Variants in NPHS2 observed in about 807,000 individuals in gnomAD.
NPHS2 encodes NPHS2 stomatin family member, podocin.
Under a neutral mutation model 37.1 loss-of-function variants are expected in NPHS2, and 36 were observed. That is an observed-to-expected ratio of 0.97 (90% confidence interval 0.74 to 1.28). The LOEUF is 1.28. Among genes scored for constraint, NPHS2 ranks in the 50% most tolerant of loss-of-function variants. The pLI, the probability that NPHS2 is intolerant of heterozygous loss-of-function variation, is 0.00. For synonymous variants in NPHS2, 196 were observed against 189.3 expected, an observed-to-expected ratio of 1.04 and a Z score of -0.29; for missense variants, 447 against 488.1, an observed-to-expected ratio of 0.92 and a Z score of 0.79.
rs1469863276 is a variant in NPHS2, at chr1:179,561,352, C to A, written c.388G>T (p.Glu130Ter). Reference protein sequence around the residue: ...SIWFCVKVVQEYERVIIFRLG... With the variant: ...SIWFCVKVVQ Reference sequence around the variant, plus strand: ...CGGAATATAATTACTCTTTCATACTCTTGTACAACCTAAAGAGAAATTTAA... The same window carrying A: ...CGGAATATAATTACTCTTTCATACTATTGTACAACCTAAAGAGAAATTTAA... Residue 130 changes from glutamate to a stop codon, truncating the protein, a stop_gained, in exon 3 of 8, where the codon GAG (glutamate) becomes TAG (stop). Transcript: ENST00000367615. LOFTEE classifies it high-confidence loss of function. The A allele has an allele frequency of 6.2e-7, 1 of 1,609,472 alleles. No homozygotes were observed. Among genetic ancestry groups the A allele is most frequent in the Admixed American group, 1.7e-5 (1 of 59,992 alleles).
chr1:179,561,219 A>G (rs1674122641), intron 3 of NPHS2, 70 bp downstream of exon 3: 1 of 1,074,700 alleles, frequency 9.3e-7, no homozygotes, highest in African/African-American at 1.6e-5. Flanking sequence ...CCATATTACA[A>G]ATCTGCATGG....
intron 5 of NPHS2, chr1:179,554,771 T>C (rs555394025): frequency 3.4e-6 from 2 of 591,212 alleles, no homozygotes; most frequent in South Asian, 2.1e-5. Context: ...TCCCCAAAGA[T>C]ATCCCATGTC....
rs759584160 is a variant in NPHS2 at position 179,557,101 on chromosome 1, T to C, written c.664A>G (p.Met222Val). Residue 222 changes from methionine (M) to valine (V), a missense_variant, in exon 5 of 8, where the codon ATG becomes GTG. By Grantham distance (21) the Met-to-Val change is conservative (BLOSUM62 1). Coordinates refer to ENST00000367615, the MANE Select transcript of NPHS2 (RefSeq NM_014625.4). Reference protein sequence around the residue: ...KAVQFLVQTTMKRLLAHRSLT... With the variant: ...KAVQFLVQTTVKRLLAHRSLT... ...GATCGATGTGCTAGGAGACGCTTCA[T>C]AGTGGTTTGCACAAGGAATTGCACA... The C allele has an allele frequency of 1.9e-6, 3 of 1,614,122 alleles. No individual in the cohort carries two copies. The South Asian group carries it at 3.3e-5, about 18-fold the overall frequency.
chr1:179,567,840 T>C (rs9699713), intron 1 of NPHS2, among the ~76,000 whole-genome samples: 30,799 of 152,158 alleles, frequency 0.2, 3,789 homozygotes, highest in Non-Finnish European at 0.27. Flanking sequence ...GTTTTTGTTG[T>C]TGGTTCTGTT....
chr1:179,565,021 A>G (rs1399126268), intron 1 of NPHS2, among the ~76,000 whole-genome samples: 1 of 152,134 alleles, frequency 6.6e-6, no homozygotes, highest in Non-Finnish European at 1.5e-5. Context: ...CTGTCATCCC[A>G]GCACTCTGGG....
chr1:179,554,657 T>C, intron 5 of NPHS2, 126 bp from the exon 6 acceptor site: 1 of 1,361,816 alleles, frequency 7.3e-7, no homozygotes, highest in South Asian at 1.2e-5. Flanking sequence ...TATTTGCCTG[T>C]TGTATTTAAC....
In NPHS2 at chr1:179,575,632, G is replaced by A; in HGVS notation, c.233C>T (p.Thr78Ile). Residue 78 changes from threonine (T) to isoleucine (I), a missense_variant, in exon 1 of 8, where the codon ACC becomes ATC. Physicochemically the swap from Thr to Ile is moderately conservative, Grantham distance 89. Transcript: ENST00000367615. Reference sequence around the variant, plus strand: ...GCTCTCCAACAGCGCCACCACCTCGGTGCCCTCCTCGCCGGAGCCTCGGAC... The same window carrying A: ...GCTCTCCAACAGCGCCACCACCTCGATGCCCTCCTCGCCGGAGCCTCGGAC... ...DEVRGSGEEG[T>I]EVVALLESER... 1 of 1,603,606 alleles carries A rather than the reference G, an allele frequency of 6.2e-7. No individual in the cohort carries two copies. Among genetic ancestry groups the A allele is most frequent in the Non-Finnish European group, 8.5e-7 (1 of 1,179,844 alleles).
intron 2 of NPHS2, among the ~76,000 whole-genome samples, chr1:179,562,165 A>T (rs1674165532): frequency 1.3e-5 from 2 of 152,176 alleles, no homozygotes; most frequent in African/African-American, 4.8e-5. Flanking sequence ...ATTTGTGTTT[A>T]CCCTGAAAAT....
At position 179,575,611 on chromosome 1, in the gene NPHS2, T is replaced by C; in HGVS notation, c.254A>G (p.Glu85Gly). Residue 85 changes from glutamate (E) to glycine (G), a missense_variant, in exon 1 of 8, where the codon GAG becomes GGG. Glu to Gly is a moderately conservative substitution (Grantham distance 98, BLOSUM62 -2). Transcript: ENST00000367615. Reference sequence around the variant, plus strand: ...CGTACCTTCCTCGGGCCGCTCGCTCTCCAACAGCGCCACCACCTCGGTGCC... The same window carrying C: ...CGTACCTTCCTCGGGCCGCTCGCTCCCCAACAGCGCCACCACCTCGGTGCC... The part of the protein sequence containing the change: ...EEGTEVVALL[E>G]SERPEEGTKS... 1 of 1,602,804 alleles carries C rather than the reference T, an allele frequency of 6.2e-7. No individual in the cohort carries two copies. The highest frequency in any genetic ancestry group is 8.5e-7 in the Non-Finnish European group (1 of 1,179,858).
intron 2 of NPHS2, among the ~76,000 whole-genome samples, chr1:179,564,059 C>T (rs995576786): frequency 2.0e-5 from 3 of 152,228 alleles, no homozygotes; most frequent in Admixed American, 6.5e-5. Flanking sequence ...CAGAGCTGCA[C>T]CACAGTCAGA....
chr1:179,551,038 T>C lies in NPHS2; in HGVS notation c.*135A>G. 9.7e-7 allele frequency: 1 copy of C among 1,025,812 alleles called. No individual in the cohort carries two copies. The highest frequency in any genetic ancestry group is 2.0e-5 in the Admixed American group (1 of 50,628). The allele number at this position is 1,025,812 out of a possible 1,614,324, so 63.5% of individuals were successfully genotyped here. A position where few individuals can be genotyped will look rare whatever the true frequency, so the allele number is the denominator to read the frequency against. On this transcript the variant is annotated 3_prime_UTR_variant, in exon 8 of 8. Coordinates refer to ENST00000367615, the MANE Select transcript of NPHS2 (RefSeq NM_014625.4). ...CACCGTCTTCTCATGGATGGTGCAT[T>C]GTGACTTCGTGCATTCCATGGCCAT...
At chr1:179,575,001 T>C (rs796151450) in intron 1 of NPHS2, among the ~76,000 whole-genome samples, 21 of 152,344 alleles carry the variant, frequency 1.4e-4, no homozygotes, top group African/African-American at 4.8e-4. Flanking sequence ...CACTACCCTC[T>C]GAGGCAGGTA....
At chr1:179,552,459 AG>A (rs1673428032) in intron 7 of NPHS2, 143 bp downstream of exon 7, 2 of 706,756 alleles carry the variant, frequency 2.8e-6, no homozygotes, top group Non-Finnish European at 2.6e-6. Flanking sequence ...ACACTTTAAG[AG>A]AGCAATTTTA....
rs1673586400 is a variant in NPHS2, at chr1:179,553,263, A to T, written c.795-582T>A. ...CTAGTAATTCTACTTCTAGATACAG[A>T]CCCAAGATAATTGAAAACGTGTTCA... On this transcript the variant is annotated intron_variant, in intron 6 of 7. Coordinates refer to ENST00000367615, the MANE Select transcript of NPHS2 (RefSeq NM_014625.4). Among the ~76,000 whole-genome samples the T allele has an allele frequency of 1.3e-5, 2 of 152,366 alleles. 1 individual carries two copies. Among genetic ancestry groups the T allele is most frequent in the Admixed American group, 1.3e-4 (2 of 15,308 alleles).
intron 1 of NPHS2, among the ~76,000 whole-genome samples, chr1:179,569,974 C>G (rs1344814005): frequency 6.6e-6 from 1 of 152,196 alleles, no homozygotes; most frequent in Non-Finnish European, 1.5e-5. Flanking sequence ...CTGCCCTTAA[C>G]ACTTTTTCCT....
Position 179,574,263 on chromosome 1 carries a change from A to G in NPHS2, c.274+1328T>C, listed in dbSNP as rs60389419. On this transcript the variant is annotated intron_variant, in intron 1 of 7. Transcript: ENST00000367615. ...GCAGCAAGCAAGGGTGAGCATTTCAATCAGACTGTCTTACTCTGGGATTTT... is the reference window on the plus strand; with the variant it reads ...GCAGCAAGCAAGGGTGAGCATTTCAGTCAGACTGTCTTACTCTGGGATTTT... 5.5e-3 allele frequency among the ~76,000 whole-genome samples: 842 copies of G among 152,294 alleles called. 7 individuals are homozygous for G. The highest frequency in any genetic ancestry group is 0.019 in the African/African-American group (808 of 41,552).
intron 1 of NPHS2, among the ~76,000 whole-genome samples, chr1:179,570,962 T>A (rs1407323995): frequency 6.6e-6 from 1 of 152,196 alleles, no homozygotes; most frequent in East Asian, 1.9e-4. Flanking sequence ...TAGCCATTCG[T>A]CTAATCTTTT....
At chr1:179,573,341 C>G (rs750947858) in intron 1 of NPHS2, among the ~76,000 whole-genome samples, 1 of 152,208 alleles carries the variant, frequency 6.6e-6, no homozygotes, top group Non-Finnish European at 1.5e-5. Context: ...CTACGAAATA[C>G]TAATCCCACG....
At chr1:179,573,417 A>G (rs1674638409) in intron 1 of NPHS2, among the ~76,000 whole-genome samples, 1 of 152,226 alleles carries the variant, frequency 6.6e-6, no homozygotes, top group African/African-American at 2.4e-5. Flanking sequence ...ACTACATCCC[A>G]TTCCTGGAGT....
Sources: gnomAD v4.1 joint callset for allele counts (sites outside exome capture counted in the v4.1 genomes callset) on GRCh38, gnomAD v4.1.1 for gene constraint, MANE v1.5 for transcripts, NCBI Gene and HGNC (gene_info 2026-07-23, HGNC 2026-07-21) for gene names.